ANKMY2: variants seen among roughly 807,000 people sequenced by gnomAD.
The protein encoded by ANKMY2 is ankyrin repeat and MYND domain-containing protein 2.
Under a neutral mutation model 50.4 loss-of-function variants are expected in ANKMY2, and 36 were observed. The observed-to-expected ratio is 0.71, with a 90% CI of 0.55 to 0.94. The LOEUF (loss-of-function observed/expected upper bound fraction) is 0.94. Among genes scored for constraint, ANKMY2 ranks in the 40% least tolerant of loss-of-function variants. ANKMY2 has a pLI of 0.00. For synonymous variants in ANKMY2, 187 were observed against 178.8 expected (o/e 1.05, Z -0.36); for missense variants, 565 against 524.0 (o/e 1.08, Z -0.76).
intron 4 of ANKMY2, among the ~76,000 whole-genome samples, chr7:16,616,456 G>A (rs1232781704): frequency 6.6e-6 from 1 of 151,110 alleles, no homozygotes; most frequent in African/African-American, 2.4e-5. Context: ...AATCCACATC[G>A]TGGCTTTGCA....
chr7:16,624,117 A>T (rs17169563), intron 4 of ANKMY2, among the ~76,000 whole-genome samples: 26,852 of 152,100 alleles, frequency 0.18, 2,649 homozygotes, highest in Middle Eastern at 0.26. Flanking sequence ...TTAAGTGCCA[A>T]GAAAGTATGA....
chr7:16,616,768 A>T (rs957798275), intron 4 of ANKMY2, among the ~76,000 whole-genome samples: 5 of 152,242 alleles, frequency 3.3e-5, no homozygotes, highest in Admixed American at 2.6e-4. Context: ...GAGAGCGTGC[A>T]GACGCCATGG....
At chr7:16,629,355 G>C (rs557310533) in intron 2 of ANKMY2, among the ~76,000 whole-genome samples, 28 of 152,266 alleles carry the variant, frequency 1.8e-4, no homozygotes, top group African/African-American at 5.1e-4. Context: ...GGCCAACATG[G>C]CAAAACCCTG....
rs1376260740 is a variant in ANKMY2 at position 16,617,930 on chromosome 7, T to TG, written c.371-2027_371-2026insC. On this transcript the variant is annotated intron_variant, in intron 4 of 9. Coordinates refer to ENST00000306999, the MANE Select transcript of ANKMY2 (RefSeq NM_020319.3). Reference sequence around the variant, plus strand: ...TACAGTGAGCGTGTTTTTTTTTTTTTTTTTTTTTTTTGGGTGAGACAGAGT... The same window carrying TG: ...TACAGTGAGCGTGTTTTTTTTTTTTTGTTTTTTTTTTTGGGTGAGACAGAGT... Among the ~76,000 whole-genome samples, 957 of 136,264 alleles carry TG rather than the reference T, an allele frequency of 7.0e-3. 16 individuals are homozygous for TG. Among genetic ancestry groups the TG allele is most frequent in the African/African-American group, 0.03 (914 of 30,100 alleles). 89.4% of individuals were successfully genotyped at this position (136,264 alleles called of 152,430 possible).
chr7:16,622,937 T>A (rs1426730630), intron 4 of ANKMY2, among the ~76,000 whole-genome samples: 1 of 152,146 alleles, frequency 6.6e-6, no homozygotes. Flanking sequence ...TGTAGAAAAG[T>A]GGTTAAAAAA....
chr7:16,627,835 A>G (rs564322583), intron 2 of ANKMY2, among the ~76,000 whole-genome samples: 1 of 151,126 alleles, frequency 6.6e-6, no homozygotes, highest in African/African-American at 2.4e-5. Context: ...GTTTGGTCAA[A>G]TCACACATAT....
At chr7:16,624,090 G>C (rs770848118) in intron 4 of ANKMY2, among the ~76,000 whole-genome samples, 1 of 152,072 alleles carries the variant, frequency 6.6e-6, no homozygotes, top group Non-Finnish European at 1.5e-5. Context: ...CGCACCATTT[G>C]TCATTGCTAT....
chr7:16,612,440 T>C (rs1027166591), intron 5 of ANKMY2, among the ~76,000 whole-genome samples: 1 of 152,232 alleles, frequency 6.6e-6, no homozygotes, highest in Admixed American at 6.5e-5. Flanking sequence ...AGAATCCTTA[T>C]TGATAACTCT....
chr7:16,635,615 T>C (rs1781648788), intron 2 of ANKMY2, among the ~76,000 whole-genome samples: 1 of 152,230 alleles, frequency 6.6e-6, no homozygotes, highest in African/African-American at 2.4e-5. Context: ...TGGTCACACA[T>C]GGCCAATGGC....
Position 16,610,561 on chromosome 7 carries a change from G to C in ANKMY2, c.734C>G (p.Thr245Ser). Residue 245 changes from threonine to serine, a missense_variant, in exon 6 of 10, where the codon ACC (threonine) becomes AGC (serine). Coordinates refer to ENST00000306999, the MANE Select transcript of ANKMY2 (RefSeq NM_020319.3). The part of the protein sequence containing the change: ...FLKDGENKLD[T>S]LIKSLLKGRA... ...GTAAAAAGAGTACCTTTTGATCAAG[G>C]TGTCCAGTTTATTCTCTCCATCTTT... 6.2e-7 allele frequency: 1 copy of C among 1,610,704 alleles called. No individual in the cohort carries two copies. The highest frequency in any genetic ancestry group is 1.1e-5 in the South Asian group (1 of 90,624).
At position 16,623,924 on chromosome 7, in the gene ANKMY2, A is replaced by G. The variant is rs149655657; in HGVS notation, c.370+1059T>C. On this transcript the variant is annotated intron_variant, in intron 4 of 9. Coordinates refer to ENST00000306999, the MANE Select transcript of ANKMY2 (RefSeq NM_020319.3). ...ATTAGTAGTTTCAAGAAAATGTTCT[A>G]ATAAAATTTAACATAATATTCAGTT... Among the ~76,000 whole-genome samples, 1,121 of 152,180 alleles carry G rather than the reference A, an allele frequency of 7.4e-3. 9 individuals carry two copies. Among genetic ancestry groups the G allele is most frequent in the South Asian group, 0.042 (202 of 4,810 alleles).
At chr7:16,643,310 A>C (rs1188252473) in intron 1 of ANKMY2, among the ~76,000 whole-genome samples, 1 of 152,186 alleles carries the variant, frequency 6.6e-6, no homozygotes, top group Non-Finnish European at 1.5e-5. Context: ...ATCCAAATTA[A>C]ATGCATTAAT....
At position 16,631,557 on chromosome 7, in the gene ANKMY2, A is replaced by G. The variant is rs1781584195; in HGVS notation, c.133-4379T>C. On this transcript the variant is annotated intron_variant, in intron 2 of 9. Coordinates refer to ENST00000306999, the MANE Select transcript of ANKMY2 (RefSeq NM_020319.3). ...TGAAGGTGGTAGGAGATTTAAAAAT[A>G]TTTATACAAATTTTCCTTAATTATT... is the stretch of plus-strand genomic sequence containing the variant. 2.0e-5 allele frequency among the ~76,000 whole-genome samples: 3 copies of G among 151,900 alleles called. No homozygotes were observed. The South Asian group carries it at 6.2e-4, about 31-fold the overall frequency.
chr7:16,604,704 A>C lies in ANKMY2; in HGVS notation c.1011+17T>G. The stretch of plus-strand genomic sequence containing the variant: ...CTAAACCAGAGGTCAATGAAATAAA[A>C]AGAACTCCATTCTTACCATTTTGCA... On this transcript the variant is annotated intron_variant, in intron 8 of 9. Coordinates refer to ENST00000306999, the MANE Select transcript of ANKMY2 (RefSeq NM_020319.3). 6.2e-7 allele frequency: 1 copy of C among 1,611,284 alleles called. No individual in the cohort carries two copies. The highest frequency in any genetic ancestry group is 8.5e-7 in the Non-Finnish European group (1 of 1,178,338).
Position 16,599,814 on chromosome 7 carries a change from C to A in ANKMY2, c.*947G>T, listed in dbSNP as rs1783474075. On this transcript the variant is annotated 3_prime_UTR_variant, in exon 10 of 10. Transcript: ENST00000306999. The stretch of plus-strand genomic sequence containing the variant: ...TAGGCACAATTTATTTTAAAATCCA[C>A]ACAAGAAACCCAGAAATGCAGCATT... 1 of 152,150 alleles carries A rather than the reference C, an allele frequency of 6.6e-6. No homozygotes were observed. Among genetic ancestry groups the A allele is most frequent in the South Asian group, 2.1e-4 (1 of 4,822 alleles). The allele number at this position is 152,150 out of a possible 1,614,324, so 9.4% of individuals were successfully genotyped here. A position where few individuals can be genotyped will look rare whatever the true frequency, so the allele number is the denominator to read the frequency against.
Position 16,625,105 on chromosome 7 carries a change from T to C in ANKMY2, c.272-24A>G, listed in dbSNP as rs1583678750. The C allele has an allele frequency of 2.5e-6, 4 of 1,571,196 alleles. No individual in the cohort carries two copies. In the East Asian group the frequency reaches 6.7e-5, roughly 26 times the overall value. On this transcript the variant is annotated intron_variant, in intron 3 of 9. Coordinates refer to ENST00000306999, the MANE Select transcript of ANKMY2 (RefSeq NM_020319.3). ...ACCTAGAGTTTTAAAGGGAACACAT[T>C]TGTTAATGTTAAGGAGGACACAATT...
chr7:16,610,481 A>C (rs1781230140), intron 6 of ANKMY2, 68 bp downstream of exon 6: 1 of 1,294,292 alleles, frequency 7.7e-7, no homozygotes, highest in Non-Finnish European at 1.1e-6. Flanking sequence ...ACACATAATA[A>C]TGAGGCTTCA....
chr7:16,637,158 G>A (rs188107985), intron 1 of ANKMY2, among the ~76,000 whole-genome samples: 1 of 152,288 alleles, frequency 6.6e-6, no homozygotes, highest in East Asian at 1.9e-4. Flanking sequence ...GTACAAGCCA[G>A]CCACACATTT....
intron 2 of ANKMY2, among the ~76,000 whole-genome samples, chr7:16,631,581 T>A (rs1781584667): frequency 6.6e-6 from 1 of 152,130 alleles, no homozygotes; most frequent in Non-Finnish European, 1.5e-5. Flanking sequence ...TCCTTAATTA[T>A]TGATTATTCC....
Sources: gnomAD v4.1 joint callset for allele counts (sites outside exome capture counted in the v4.1 genomes callset) on GRCh38, gnomAD v4.1.1 for gene constraint, MANE v1.5 for transcripts, NCBI Gene and HGNC (gene_info 2026-07-23, HGNC 2026-07-21) for gene names.